PCDHGB3: variants seen among roughly 807,000 people sequenced by gnomAD.
PCDHGB3 encodes protocadherin gamma-B3.
Under a neutral mutation model 59.2 loss-of-function variants are expected in PCDHGB3, and 40 were observed. The ratio of observed to expected loss-of-function variants is 0.68; its 90% CI spans 0.52 to 0.88. The LOEUF is 0.88. Among genes scored for constraint, PCDHGB3 ranks in the 40% least tolerant of loss-of-function variants. PCDHGB3 has a pLI of 0.00. For synonymous variants in PCDHGB3, 581 were observed against 503.6 expected (o/e 1.15, Z -2.06); for missense variants, 1,309 against 1,187.9 (o/e 1.10, Z -1.50).
At chr5:141,492,952 C>T (rs1428667098) in intron 1 of PCDHGB3, among the ~76,000 whole-genome samples, 1 of 152,242 alleles carries the variant, frequency 6.6e-6, no homozygotes, top group Non-Finnish European at 1.5e-5. Context: ...GGTGACCAAA[C>T]TATCTGACAC....
intron 1 of PCDHGB3, chr5:141,375,764 G>C (rs746447899): frequency 1.9e-6 from 3 of 1,614,234 alleles, no homozygotes; most frequent in Non-Finnish European, 1.7e-6. Flanking sequence ...CAATGCGCCC[G>C]AGATCCTGTA....
intron 1 of PCDHGB3, chr5:141,414,450 A>C (rs759840643): frequency 9.3e-6 from 15 of 1,613,772 alleles, no homozygotes. Context: ...ACAATATCAC[A>C]GTGACAGCCA....
At chr5:141,462,996 G>A (rs2099050826) in intron 1 of PCDHGB3, among the ~76,000 whole-genome samples, 1 of 152,082 alleles carries the variant, frequency 6.6e-6, no homozygotes, top group South Asian at 2.1e-4. Flanking sequence ...GGCTAATTTA[G>A]ACCTACCACT....
At chr5:141,420,056 T>C (rs1241770239) in intron 1 of PCDHGB3, 1 of 1,614,044 alleles carries the variant, frequency 6.2e-7, no homozygotes, top group Admixed American at 1.7e-5. Flanking sequence ...AGTTCTCTGC[T>C]CCAAGTCCGG....
intron 1 of PCDHGB3, chr5:141,415,947 C>G: frequency 1.9e-6 from 1 of 532,382 alleles, no homozygotes; most frequent in Non-Finnish European, 2.8e-6. Flanking sequence ...CCTGGGTGGT[C>G]ACATATTGAA....
At position 141,394,517 on chromosome 5, in the gene PCDHGB3, C is replaced by T. The variant is rs1226195225; in HGVS notation, c.2415+21708C>T. On this transcript the variant is annotated intron_variant, in intron 1 of 3. Transcript: ENST00000576222. ...CCGAGATCCTGTACCCCGCCCTCCC[C>T]ACAGACGGTTCCACTGGCGTGGAGC... 5 of 1,614,116 alleles carry T rather than the reference C, an allele frequency of 3.1e-6. No individual in the cohort carries two copies. The Admixed American group carries it at 5.0e-5, about 16-fold the overall frequency.
At chr5:141,384,276 C>T (rs1333595693) in intron 1 of PCDHGB3, 1 of 1,613,888 alleles carries the variant, frequency 6.2e-7, no homozygotes, top group South Asian at 1.1e-5. Context: ...CCTACTCAGT[C>T]TACATCGCTG....
intron 1 of PCDHGB3, among the ~76,000 whole-genome samples, chr5:141,381,826 C>CTTCTTTT (rs1777532522): frequency 2.4e-4 from 18 of 74,296 alleles, no homozygotes; most frequent in Admixed American, 1.2e-3. Context: ...CTTTCTTCTT[C>CTTCTTTT]TTTTTTTTTT....
At position 141,491,101 on chromosome 5, in the gene PCDHGB3, G is replaced by A. The variant is rs1270788252; in HGVS notation, c.2416-3706G>A. Reference sequence around the variant, plus strand: ...GTCCACAGCCCCAGGACTGTTCCTCGTGTCTACACACACTGGTGAGGTGCG... The same window carrying A: ...GTCCACAGCCCCAGGACTGTTCCTCATGTCTACACACACTGGTGAGGTGCG... On this transcript the variant is annotated intron_variant, in intron 1 of 3. Transcript: ENST00000576222. This position sits in a 1 kb window ranked among gnomAD's most constrained non-coding sequence, Gnocchi z 6.9. The A allele has an allele frequency of 8.1e-6, 13 of 1,614,102 alleles. No individual in the cohort carries two copies. In the East Asian group the frequency reaches 1.6e-4, roughly 19 times the overall value.
chr5:141,433,767 G>T (rs1237334342), intron 1 of PCDHGB3, among the ~76,000 whole-genome samples: 1 of 151,532 alleles, frequency 6.6e-6, no homozygotes, highest in Non-Finnish European at 1.5e-5. Flanking sequence ...AACCTGGGAG[G>T]TGGAGGTTGC....
intron 1 of PCDHGB3, chr5:141,403,315 A>G (rs1268267002): frequency 6.2e-7 from 1 of 1,613,974 alleles, no homozygotes; most frequent in Non-Finnish European, 8.5e-7. Flanking sequence ...GAATAGAAAT[A>G]GAAGTAACTG....
chr5:141,420,330 C>G lies in PCDHGB3; in HGVS notation c.2415+47521C>G, dbSNP rs765696240. 711 of 1,399,258 alleles carry G rather than the reference C, an allele frequency of 5.1e-4. 1 individual carries two copies. The highest frequency in any genetic ancestry group is 6.5e-4 in the Non-Finnish European group (676 of 1,043,138). 86.7% of individuals were successfully genotyped at this position (1,399,258 alleles called of 1,614,324 possible). A position where few individuals can be genotyped will look rare whatever the true frequency, so the allele number is the denominator to read the frequency against. On this transcript the variant is annotated intron_variant, in intron 1 of 3. Coordinates refer to ENST00000576222, the MANE Select transcript of PCDHGB3 (RefSeq NM_018924.5). Reference sequence around the variant, plus strand: ...TTATATTACAATATGCCAATATATTCCAATATAGTGGTATTATTTTAAGAT... The same window carrying G: ...TTATATTACAATATGCCAATATATTGCAATATAGTGGTATTATTTTAAGAT...
At position 141,485,122 on chromosome 5, in the gene PCDHGB3, G is replaced by A. The variant is rs1000179570; in HGVS notation, c.2416-9685G>A. The A allele has an allele frequency of 1.4e-6, 2 of 1,387,624 alleles. No individual in the cohort carries two copies. The highest frequency in any genetic ancestry group is 1.4e-5 in the African/African-American group (1 of 70,566). 86.0% of individuals were successfully genotyped at this position (1,387,624 alleles called of 1,614,324 possible). A position where few individuals can be genotyped will look rare whatever the true frequency, so the allele number is the denominator to read the frequency against. Reference sequence around the variant, plus strand: ...CAGCTGCTGTGGCTGTTTGGGGCGGGTCGGCTTCATCCGCGTCTCAGGAGC... The same window carrying A: ...CAGCTGCTGTGGCTGTTTGGGGCGGATCGGCTTCATCCGCGTCTCAGGAGC... On this transcript the variant is annotated intron_variant, in intron 1 of 3. Coordinates refer to ENST00000576222, the MANE Select transcript of PCDHGB3 (RefSeq NM_018924.5). The surrounding 1 kb of genome is among the most constrained non-coding windows in gnomAD (Gnocchi z 5.7).
At position 141,431,020 on chromosome 5, in the gene PCDHGB3, G is replaced by T. The variant is rs941765907; in HGVS notation, c.2415+58211G>T. ...CGCGCAGCGGCAGCTTGGTCACGGCGGGCAGGATAGACCGGGAGGAGCTCT... is the reference window on the plus strand; with the variant it reads ...CGCGCAGCGGCAGCTTGGTCACGGCTGGCAGGATAGACCGGGAGGAGCTCT... On this transcript the variant is annotated intron_variant, in intron 1 of 3. Coordinates refer to ENST00000576222, the MANE Select transcript of PCDHGB3 (RefSeq NM_018924.5). This position sits in a 1 kb window ranked among gnomAD's most constrained non-coding sequence, Gnocchi z 4.8. 2.5e-6 allele frequency: 4 copies of T among 1,614,050 alleles called. No homozygotes were observed. The East Asian group carries it at 8.9e-5, about 36-fold the overall frequency.
Position 141,491,987 on chromosome 5 carries a change from T to A in PCDHGB3, c.2416-2820T>A. The A allele has an allele frequency of 1.4e-6, 1 of 736,922 alleles. No individual in the cohort carries two copies. The highest frequency in any genetic ancestry group is 2.0e-6 in the Non-Finnish European group (1 of 490,378). The allele number at this position is 736,922 out of a possible 1,614,324, so 45.6% of individuals were successfully genotyped here. On this transcript the variant is annotated intron_variant, in intron 1 of 3. Coordinates refer to ENST00000576222, the MANE Select transcript of PCDHGB3 (RefSeq NM_018924.5). The surrounding 1 kb of genome is among the most constrained non-coding windows in gnomAD (Gnocchi z 6.9). ...GCCGGGGCCTCCTTCGAGCTTCCGG[T>A]GAATTTCGGGCGATTTCCGCGGGTG...
At position 141,486,027 on chromosome 5, in the gene PCDHGB3, C is replaced by A. The variant is rs2099623152; in HGVS notation, c.2416-8780C>A. 2 of 1,614,048 alleles carry A rather than the reference C, an allele frequency of 1.2e-6. No individual in the cohort carries two copies. Among genetic ancestry groups the A allele is most frequent in the African/African-American group, 2.7e-5 (2 of 74,912 alleles). On this transcript the variant is annotated intron_variant, in intron 1 of 3. Coordinates refer to ENST00000576222, the MANE Select transcript of PCDHGB3 (RefSeq NM_018924.5). The surrounding 1 kb of genome is among the most constrained non-coding windows in gnomAD (Gnocchi z 5.0). ...GTCACCTTTTATTTCAGTGGTCATA[C>A]CCCTGATCGTGTAAGAAACCTCTTT...
chr5:141,372,821 C>T lies in PCDHGB3; in HGVS notation c.2415+12C>T, dbSNP rs1174181623. Reference sequence around the variant, plus strand: ...GCAATTTGCAAAAGGTGAGTTTCTTCAAACCTTTCCTTCCATAAATATAAT... The same window carrying T: ...GCAATTTGCAAAAGGTGAGTTTCTTTAAACCTTTCCTTCCATAAATATAAT... On this transcript the variant is annotated intron_variant, in intron 1 of 3. Transcript: ENST00000576222. 1.3e-6 allele frequency: 2 copies of T among 1,566,320 alleles called. No individual in the cohort carries two copies. Among genetic ancestry groups the T allele is most frequent in the Non-Finnish European group, 1.7e-6 (2 of 1,155,332 alleles).
intron 1 of PCDHGB3, chr5:141,492,027 A>T (rs1157170828): frequency 8.8e-6 from 5 of 565,466 alleles, no homozygotes; most frequent in African/African-American, 7.7e-5. Flanking sequence ...GGGTCCCGGG[A>T]GGAGGCAGTC....
At chr5:141,412,666 G>C (rs991501719) in intron 1 of PCDHGB3, 3 of 152,120 alleles carry the variant, frequency 2.0e-5, no homozygotes, top group African/African-American at 7.2e-5. Flanking sequence ...ACACTAATAT[G>C]ACCTAAAATA....
Sources: allele counts gnomAD v4.1 joint callset (sites outside exome capture counted in the v4.1 genomes callset), GRCh38; gene constraint gnomAD v4.1.1; non-coding constraint Gnocchi (gnomAD v3.1); transcripts MANE v1.5; gene names NCBI Gene and HGNC (gene_info 2026-07-23, HGNC 2026-07-21).